The following TRIM62 variants were observed in gnomAD, a reference collection of about 807,000 sequenced individuals.
TRIM62 encodes E3 ubiquitin-protein ligase TRIM62.
TRIM62 carries 39 observed loss-of-function variants against 44.2 expected under a neutral mutation model. That is an observed-to-expected ratio of 0.88 (90% CI 0.68 to 1.15). The LOEUF is 1.15. TRIM62 is among the 50% of genes most tolerant of loss of function. The pLI, the probability that TRIM62 is intolerant of heterozygous loss-of-function variation, is 0.00. For synonymous variants in TRIM62, 278 were observed against 292.3 expected, an observed-to-expected ratio of 0.95 and a Z score of 0.50; for missense variants, 544 against 665.5, an observed-to-expected ratio of 0.82 and a Z score of 2.01.
At chr1:33,152,263 C>T (rs893245790) in intron 4 of TRIM62, among the ~76,000 whole-genome samples, 1 of 152,174 alleles carries the variant, frequency 6.6e-6, no homozygotes, top group Non-Finnish European at 1.5e-5. Flanking sequence ...CCCCAGAAAG[C>T]CTGTTCAGCA....
intron 2 of TRIM62, chr1:33,164,292 G>C (rs1645307750): frequency 6.6e-6 from 1 of 152,278 alleles, no homozygotes; most frequent in African/African-American, 2.4e-5. Flanking sequence ...GGTGTCTTCA[G>C]GCCCCAGGAT....
chr1:33,148,292 A>G (rs1227552003), intron 4 of TRIM62, among the ~76,000 whole-genome samples: 1 of 152,232 alleles, frequency 6.6e-6, no homozygotes, highest in Non-Finnish European at 1.5e-5. Context: ...TCTTTTTTAT[A>G]AGGATAAGAA....
At chr1:33,178,656 T>C (rs1645439172) in intron 1 of TRIM62, among the ~76,000 whole-genome samples, 1 of 152,174 alleles carries the variant, frequency 6.6e-6, no homozygotes, top group South Asian at 2.1e-4. Context: ...CTGACCCCAT[T>C]GTACAGACAG....
rs144355682 is a variant in TRIM62 at position 33,148,781 on chromosome 1, A to T, written c.878-1054T>A. Among the ~76,000 whole-genome samples the T allele has an allele frequency of 2.2e-3, 338 of 152,336 alleles. 2 individuals carry two copies. The highest frequency in any genetic ancestry group is 7.8e-3 in the African/African-American group (323 of 41,576). On this transcript the variant is annotated intron_variant, in intron 4 of 4. Coordinates refer to ENST00000291416, the MANE Select transcript of TRIM62 (RefSeq NM_018207.3). The stretch of plus-strand genomic sequence containing the variant: ...TTACACATGATTTGTTATGAAAAGT[A>T]GACAATGGGTCTGAAAAGATTGAAA...
rs560571517 is a variant in TRIM62, at chr1:33,147,126, C to G, written c.*51G>C. On this transcript the variant is annotated 3_prime_UTR_variant, in exon 5 of 5. Coordinates refer to ENST00000291416, the MANE Select transcript of TRIM62 (RefSeq NM_018207.3). This position sits in a 1 kb window ranked among gnomAD's most constrained non-coding sequence, Gnocchi z 8.1. ...CAGGTCTTCTATCTCCTGGGCAGGG[C>G]TCTTGCAGGTGGCAGTGGTCCCAGG... 18 of 1,581,692 alleles carry G rather than the reference C, an allele frequency of 1.1e-5. No homozygotes were observed. Among genetic ancestry groups the G allele is most frequent in the Non-Finnish European group, 1.3e-5 (15 of 1,161,602 alleles).
At chr1:33,176,711 G>A (rs603186) in intron 1 of TRIM62, among the ~76,000 whole-genome samples, 120,376 of 152,204 alleles carry the variant, frequency 0.79, 47,737 homozygotes, top group African/African-American at 0.86. Context: ...CTCAGGGACG[G>A]TATGTGGCCT....
At chr1:33,152,089 G>C (rs1347988577) in intron 4 of TRIM62, among the ~76,000 whole-genome samples, 4 of 152,234 alleles carry the variant, frequency 2.6e-5, no homozygotes, top group African/African-American at 9.6e-5. Flanking sequence ...CACCACGACA[G>C]ACCCAGGGGC....
At chr1:33,148,762 A>G (rs559763433) in intron 4 of TRIM62, among the ~76,000 whole-genome samples, 2 of 152,352 alleles carry the variant, frequency 1.3e-5, no homozygotes, top group South Asian at 4.1e-4. Flanking sequence ...GATATTACAC[A>G]TGATTTGTTA....
Position 33,165,439 on chromosome 1 carries a change from C to A in TRIM62, c.504+32G>T. ...CTCGAAGCCCTGCCCTCATCTCTGC[C>A]GGCCCCACCTCCGCGCCCCGGCCAG... On this transcript the variant is annotated intron_variant, in intron 2 of 4. Transcript: ENST00000291416. This position sits in a 1 kb window ranked among gnomAD's most constrained non-coding sequence, Gnocchi z 4.0. The A allele has an allele frequency of 6.5e-7, 1 of 1,544,590 alleles. No homozygotes were observed. Among genetic ancestry groups the A allele is most frequent in the Non-Finnish European group, 8.8e-7 (1 of 1,142,018 alleles).
chr1:33,147,246 GAAGT>G lies in TRIM62; in HGVS notation c.1355_1358del (p.Tyr452SerfsTer81), dbSNP rs911108993. On this transcript the variant is annotated frameshift_variant, in exon 5 of 5. Coordinates refer to ENST00000291416, the MANE Select transcript of TRIM62 (RefSeq NM_018207.3). LOFTEE classifies it high-confidence loss of function. This position sits in a 1 kb window ranked among gnomAD's most constrained non-coding sequence, Gnocchi z 8.1. ...CATTGGCGTGGCTCTGGCCAGGGCT[GAAGT>G]AAGAGCAGAGCTTGCCAGGGAACTT... is the stretch of plus-strand genomic sequence containing the variant. 28 of 1,614,076 alleles carry G rather than the reference GAAGT, an allele frequency of 1.7e-5. No individual in the cohort carries two copies. In the Admixed American group the frequency reaches 3.2e-4, roughly 18 times the overall value.
At chr1:33,171,167 T>C (rs1160895582) in intron 1 of TRIM62, among the ~76,000 whole-genome samples, 1 of 152,016 alleles carries the variant, frequency 6.6e-6, no homozygotes, top group Non-Finnish European at 1.5e-5. Flanking sequence ...GAGAACAAAC[T>C]AGAAATTTTA....
Position 33,167,915 on chromosome 1 carries a change from T to C in TRIM62, c.409-2349A>G, listed in dbSNP as rs991034919. ...TGGGCAACTATTATGTACCAGGCAC[T>C]GTTGAGGCACTGGGATTATGGCGAA... is the stretch of plus-strand genomic sequence containing the variant. On this transcript the variant is annotated intron_variant, in intron 1 of 4. Transcript: ENST00000291416. The surrounding 1 kb of genome is among the most constrained non-coding windows in gnomAD (Gnocchi z 4.2). 6.6e-6 allele frequency among the ~76,000 whole-genome samples: 1 copy of C among 152,234 alleles called. No individual in the cohort carries two copies. Among genetic ancestry groups the C allele is most frequent in the Admixed American group, 6.5e-5 (1 of 15,286 alleles).
chr1:33,147,151 G>A lies in TRIM62; in HGVS notation c.*26C>T. ...CTCTTGCAGGTGGCAGTGGTCCCAG[G>A]AGGTTGTGGTCTCCTTCTGCCTGGA... On this transcript the variant is annotated 3_prime_UTR_variant, in exon 5 of 5. Coordinates refer to ENST00000291416, the MANE Select transcript of TRIM62 (RefSeq NM_018207.3). The surrounding 1 kb of genome is among the most constrained non-coding windows in gnomAD (Gnocchi z 8.1). 4 of 1,605,758 alleles carry A rather than the reference G, an allele frequency of 2.5e-6. No individual in the cohort carries two copies. Among genetic ancestry groups the A allele is most frequent in the Non-Finnish European group, 3.4e-6 (4 of 1,175,396 alleles).
Position 33,165,341 on chromosome 1 carries a change from G to C in TRIM62, c.504+130C>G. 1 of 801,106 alleles carries C rather than the reference G, an allele frequency of 1.2e-6. No individual in the cohort carries two copies. The highest frequency in any genetic ancestry group is 1.8e-5 in the South Asian group (1 of 55,900). 49.6% of individuals were successfully genotyped at this position (801,106 alleles called of 1,614,324 possible). A position where few individuals can be genotyped will look rare whatever the true frequency, so the allele number is the denominator to read the frequency against. On this transcript the variant is annotated intron_variant, in intron 2 of 4. Coordinates refer to ENST00000291416, the MANE Select transcript of TRIM62 (RefSeq NM_018207.3). This position sits in a 1 kb window ranked among gnomAD's most constrained non-coding sequence, Gnocchi z 4.0. ...TCCCCACCCTGCCCTTCTCACTCCA[G>C]GTTTGGCTCCTTGAAGCCAGGTTTC...
In TRIM62 at chr1:33,161,211, C is replaced by T. The variant is rs147641540; in HGVS notation, c.505-1267G>A. On this transcript the variant is annotated intron_variant, in intron 2 of 4. Coordinates refer to ENST00000291416, the MANE Select transcript of TRIM62 (RefSeq NM_018207.3). This position sits in a 1 kb window ranked among gnomAD's most constrained non-coding sequence, Gnocchi z 4.3. ...GACTGCAATTCTAATAAGCGTTTCC[C>T]GGAAGTCTTCATTGAGAGACGGGTT... Among the ~76,000 whole-genome samples the T allele has an allele frequency of 3.9e-3, 593 of 152,314 alleles. 3 individuals carry two copies. The highest frequency in any genetic ancestry group is 6.8e-3 in the Middle Eastern group (2 of 294).
At chr1:33,178,259 C>G (rs1057023359) in intron 1 of TRIM62, among the ~76,000 whole-genome samples, 3 of 152,218 alleles carry the variant, frequency 2.0e-5, no homozygotes, top group African/African-American at 7.2e-5. Context: ...CCATCAGCTG[C>G]TGGGAGAGAA....
intron 4 of TRIM62, among the ~76,000 whole-genome samples, chr1:33,153,881 G>A (rs1021943999): frequency 4.6e-5 from 7 of 152,236 alleles, no homozygotes; most frequent in Admixed American, 2.6e-4. Flanking sequence ...TGCTGGGAGT[G>A]AATCAGACCT....
At position 33,145,981 on chromosome 1, in the gene TRIM62, A is replaced by G; in HGVS notation, c.*1196T>C. ...GAACTGAGTGAAGTGGGAGAGGGGC[A>G]GGCCTCAGGACATCTATTGGCTGGC... On this transcript the variant is annotated 3_prime_UTR_variant, in exon 5 of 5. Coordinates refer to ENST00000291416, the MANE Select transcript of TRIM62 (RefSeq NM_018207.3). 4 of 467,244 alleles carry G rather than the reference A, an allele frequency of 8.6e-6. No homozygotes were observed. The highest frequency in any genetic ancestry group is 1.8e-5 in the Non-Finnish European group (4 of 224,986). 28.9% of individuals were successfully genotyped at this position (467,244 alleles called of 1,614,324 possible).
At chr1:33,162,564 A>C (rs139042030) in intron 2 of TRIM62, among the ~76,000 whole-genome samples, 1 of 152,324 alleles carries the variant, frequency 6.6e-6, no homozygotes, top group East Asian at 1.9e-4. Context: ...GCTGGCAATC[A>C]GGAGTTGCTT....
Sources: gnomAD v4.1 joint callset for allele counts (sites outside exome capture counted in the v4.1 genomes callset) on GRCh38, gnomAD v4.1.1 for gene constraint, Gnocchi (gnomAD v3.1) non-coding constraint, MANE v1.5 for transcripts, NCBI Gene and HGNC (gene_info 2026-07-23, HGNC 2026-07-21) for gene names.